The following E2F5 variants were observed in gnomAD, a reference collection of about 807,000 sequenced individuals.
The protein encoded by E2F5 is E2F transcription factor 5.
A neutral mutation model predicts 39.1 loss-of-function variants in E2F5; 23 were observed. The ratio of observed to expected loss-of-function variants is 0.59; its 90% confidence interval spans 0.42 to 0.83. E2F5 has a LOEUF of 0.83. Ranked by LOEUF, E2F5 falls within the 40% of genes least tolerant of loss-of-function variation. The pLI is 0.00. For synonymous variants in E2F5, 145 were observed against 157.8 expected (o/e 0.92, Z 0.61); for missense variants, 365 against 406.7 (o/e 0.90, Z 0.88).
At chr8:85,185,699 G>T (rs1045155820) in intron 1 of E2F5, among the ~76,000 whole-genome samples, 1 of 152,124 alleles carries the variant, frequency 6.6e-6, no homozygotes, top group African/African-American at 2.4e-5. Flanking sequence ...GTGGGCAAAG[G>T]ATATGAACAG....
At chr8:85,211,113 G>A (rs1186110271) in intron 6 of E2F5, among the ~76,000 whole-genome samples, 2 of 151,852 alleles carry the variant, frequency 1.3e-5, no homozygotes, top group Admixed American at 1.3e-4. Flanking sequence ...GCCAAGTGTG[G>A]TGGGGCTCAT....
intron 3 of E2F5, among the ~76,000 whole-genome samples, chr8:85,203,884 A>T (rs1812747060): frequency 1.3e-5 from 2 of 149,216 alleles, no homozygotes; most frequent in African/African-American, 2.4e-5. Flanking sequence ...TATATATATA[A>T]AAACACATAT....
At chr8:85,206,528 CAG>C (rs1812806385) in intron 4 of E2F5, among the ~76,000 whole-genome samples, 1 of 152,134 alleles carries the variant, frequency 6.6e-6, no homozygotes, top group Non-Finnish European at 1.5e-5. Context: ...CACACAGTCA[CAG>C]AGTTAGTGAC....
intron 3 of E2F5, among the ~76,000 whole-genome samples, chr8:85,204,314 C>G (rs1431056325): frequency 1.3e-5 from 2 of 152,032 alleles, no homozygotes; most frequent in South Asian, 4.1e-4. Flanking sequence ...TCTCCATAAA[C>G]CTTTCTGGCT....
rs1261102813 is a variant in E2F5, at chr8:85,214,188, T to C, written c.*326T>C. 1.9e-6 allele frequency: 1 copy of C among 536,438 alleles called. No individual in the cohort carries two copies. The highest frequency in any genetic ancestry group is 1.9e-5 in the African/African-American group (1 of 53,396). 33.2% of individuals were successfully genotyped at this position (536,438 alleles called of 1,614,324 possible). A position where few individuals can be genotyped will look rare whatever the true frequency, so the allele number is the denominator to read the frequency against. ...GAAAGTTAAAGGACACTACAGGTCA[T>C]CAAAAACAAGTTGGCCAAGGACTCA... On this transcript the variant is annotated 3_prime_UTR_variant, in exon 8 of 8. Transcript: ENST00000416274.
intron 1 of E2F5, among the ~76,000 whole-genome samples, chr8:85,200,751 TA>T (rs1304453052): frequency 6.6e-5 from 10 of 152,006 alleles, no homozygotes; most frequent in African/African-American, 9.7e-5. Flanking sequence ...AAGTCAAGAG[TA>T]AAAATTCTGT....
At chr8:85,183,256 A>G (rs998327633) in intron 1 of E2F5, among the ~76,000 whole-genome samples, 6 of 152,172 alleles carry the variant, frequency 3.9e-5, no homozygotes, top group African/African-American at 1.4e-4. Context: ...CGTCTCGAAA[A>G]ACAGCAACAA....
At chr8:85,204,599 G>A (rs1451634306) in intron 3 of E2F5, among the ~76,000 whole-genome samples, 1 of 151,328 alleles carries the variant, frequency 6.6e-6, no homozygotes, top group Non-Finnish European at 1.5e-5. Flanking sequence ...GCTAAATGAC[G>A]AGTTATTGGG....
intron 1 of E2F5, among the ~76,000 whole-genome samples, chr8:85,190,655 C>T (rs1587486975): frequency 6.6e-6 from 1 of 151,740 alleles, no homozygotes; most frequent in Non-Finnish European, 1.5e-5. Context: ...AGATGCCCAC[C>T]ACCATGCCCA....
intron 1 of E2F5, among the ~76,000 whole-genome samples, chr8:85,179,061 C>G (rs1812146345): frequency 6.6e-6 from 1 of 152,060 alleles, no homozygotes; most frequent in Admixed American, 6.5e-5. Context: ...CTTTCTCTCC[C>G]TGAAAGTGAT....
rs1563975944 is a variant in E2F5 at position 85,184,372 on chromosome 8, T to C, written c.234+6718T>C. ...GGTATCAGTGGAACATATCTCAAAA[T>C]AATAAGGCTATTTATGACAAATCCA... is the stretch of plus-strand genomic sequence containing the variant. On this transcript the variant is annotated intron_variant, in intron 1 of 7. Transcript: ENST00000416274. Among the ~76,000 whole-genome samples the C allele has an allele frequency of 2.6e-5, 4 of 152,272 alleles. No homozygotes were observed. The East Asian group carries it at 7.7e-4, about 29-fold the overall frequency.
At chr8:85,181,098 G>T (rs1397810207) in intron 1 of E2F5, among the ~76,000 whole-genome samples, 1 of 151,766 alleles carries the variant, frequency 6.6e-6, no homozygotes, top group Admixed American at 6.6e-5. Flanking sequence ...GGCTGGTCTC[G>T]AACTCCTGAG....
chr8:85,207,747 A>G lies in E2F5; in HGVS notation c.615+258A>G, dbSNP rs1002678697. ...ATTGATATCATTTAGCTCAAAGTCAATTTTTAAAAAGTAATCAGAATGCTT... is the reference window on the plus strand; with the variant it reads ...ATTGATATCATTTAGCTCAAAGTCAGTTTTTAAAAAGTAATCAGAATGCTT... On this transcript the variant is annotated intron_variant, in intron 5 of 7. Coordinates refer to ENST00000416274, the MANE Select transcript of E2F5 (RefSeq NM_001951.4). 5.6e-5 allele frequency among the ~76,000 whole-genome samples: 8 copies of G among 142,032 alleles called. No homozygotes were observed. The South Asian group carries it at 1.1e-3, about 20-fold the overall frequency. 93.2% of individuals were successfully genotyped at this position (142,032 alleles called of 152,430 possible). A position where few individuals can be genotyped will look rare whatever the true frequency, so the allele number is the denominator to read the frequency against.
rs369182709 is a variant in E2F5 at position 85,205,328 on chromosome 8, C to T, written c.507-849C>T. The stretch of plus-strand genomic sequence containing the variant: ...TTGGCTCACTGCAACCTCCACCCCC[C>T]GGGTTTAAGCAATTCTTCTGCCTCA... On this transcript the variant is annotated intron_variant, in intron 3 of 7. Transcript: ENST00000416274. Among the ~76,000 whole-genome samples the T allele has an allele frequency of 7.2e-5, 11 of 152,160 alleles. No individual in the cohort carries two copies. The South Asian group carries it at 1.5e-3, about 20-fold the overall frequency.
chr8:85,195,079 G>C (rs1245465622), intron 1 of E2F5, among the ~76,000 whole-genome samples: 5 of 151,890 alleles, frequency 3.3e-5, no homozygotes, highest in Admixed American at 2.0e-4. Context: ...CTGTGTTGCT[G>C]ACAGGGTGAG....
intron 6 of E2F5, among the ~76,000 whole-genome samples, chr8:85,210,843 T>C (rs1173761706): frequency 6.6e-6 from 1 of 152,204 alleles, no homozygotes; most frequent in Non-Finnish European, 1.5e-5. Context: ...TATGGTTTCA[T>C]GTTTGGAAAT....
chr8:85,207,096 A>G (rs1435661564), intron 4 of E2F5, among the ~76,000 whole-genome samples: 1 of 152,226 alleles, frequency 6.6e-6, no homozygotes, highest in Non-Finnish European at 1.5e-5. Context: ...AGTCCAATGA[A>G]CAGTGTTATT....
chr8:85,182,433 T>C (rs1812241059), intron 1 of E2F5, among the ~76,000 whole-genome samples: 1 of 152,244 alleles, frequency 6.6e-6, no homozygotes. Context: ...AGACCATTTA[T>C]TGTTATTCTC....
chr8:85,177,698 G>T (rs746876143), intron 1 of E2F5, 44 bp downstream of exon 1: 3 of 1,227,032 alleles, frequency 2.4e-6, no homozygotes, highest in Non-Finnish European at 3.1e-6. Context: ...CGGAACCCGT[G>T]GCCCCCGGGG....
Sources: gnomAD v4.1 joint callset for allele counts (sites outside exome capture counted in the v4.1 genomes callset) on GRCh38, gnomAD v4.1.1 for gene constraint, MANE v1.5 for transcripts, NCBI Gene and HGNC (gene_info 2026-07-23, HGNC 2026-07-21) for gene names.